Variants in UNC13C observed in about 807,000 individuals in gnomAD.
UNC13C encodes the protein protein unc-13 homolog C.
In UNC13C, 174 loss-of-function variants were observed where a neutral mutation model predicts 245.4. The ratio of observed to expected loss-of-function variants is 0.71; its 90% CI spans 0.63 to 0.80. UNC13C has a LOEUF of 0.80. UNC13C is among the 30% of genes least tolerant of loss of function. The pLI is 0.00. For missense variants in UNC13C, 2,829 were observed against 2,602.9 expected (o/e 1.09, Z -1.89); for synonymous variants, 992 against 895.1 (o/e 1.11, Z -1.93).
chr15:54,234,990 T>C (rs777953973), intron 4 of UNC13C, 40 bp from the exon 5 acceptor site: 3 of 1,569,524 alleles, frequency 1.9e-6, no homozygotes, highest in South Asian at 2.2e-5. Context: ...CAAGAAGTCA[T>C]TTTACCCATT....
intron 1 of UNC13C, among the ~76,000 whole-genome samples, chr15:54,011,055 C>T (rs898573270): frequency 6.6e-6 from 1 of 151,966 alleles, no homozygotes; most frequent in African/African-American, 2.4e-5. Flanking sequence ...GGAGTTTAAA[C>T]ATAATTTTTA....
intron 14 of UNC13C, among the ~76,000 whole-genome samples, chr15:54,330,380 G>A (rs1329563975): frequency 1.3e-5 from 2 of 151,996 alleles, no homozygotes; most frequent in African/African-American, 2.4e-5. Flanking sequence ...GAGAGGGTGA[G>A]CATTTCATAT....
intron 4 of UNC13C, among the ~76,000 whole-genome samples, chr15:54,156,423 C>T (rs962290136): frequency 3.3e-5 from 5 of 152,176 alleles, no homozygotes; most frequent in Non-Finnish European, 5.9e-5. Context: ...TACAAGATGA[C>T]ATCATCTGCC....
chr15:54,156,241 C>A (rs930807073), intron 4 of UNC13C, among the ~76,000 whole-genome samples: 1 of 152,102 alleles, frequency 6.6e-6, no homozygotes, highest in African/African-American at 2.4e-5. Context: ...GCATAGCAGG[C>A]ATCTTTTTTG....
At chr15:54,167,205 A>G (rs1008998154) in intron 4 of UNC13C, among the ~76,000 whole-genome samples, 1 of 152,106 alleles carries the variant, frequency 6.6e-6, no homozygotes, top group African/African-American at 2.4e-5. Context: ...AAGCAACCCA[A>G]TAGGAAAAGA....
chr15:54,353,256 A>T (rs2039023675), intron 17 of UNC13C, among the ~76,000 whole-genome samples: 1 of 152,192 alleles, frequency 6.6e-6, no homozygotes, highest in African/African-American at 2.4e-5. Context: ...GATGCCAGGC[A>T]GGCAGGGAAA....
At chr15:54,040,506 G>C (rs532384011) in intron 2 of UNC13C, among the ~76,000 whole-genome samples, 44 of 152,240 alleles carry the variant, frequency 2.9e-4, no homozygotes, top group African/African-American at 1.1e-3. Context: ...ATTAATGTTT[G>C]AGAAACACTC....
intron 30 of UNC13C, among the ~76,000 whole-genome samples, chr15:54,599,496 T>C (rs1163923994): frequency 6.6e-6 from 1 of 152,018 alleles, no homozygotes; most frequent in Non-Finnish European, 1.5e-5. Flanking sequence ...ATAAAAATGG[T>C]AAGATCTATT....
chr15:54,525,462 C>G, intron 24 of UNC13C, 87 bp from the exon 25 acceptor site: 1 of 831,114 alleles, frequency 1.2e-6, no homozygotes. Flanking sequence ...TTTGAAGTTA[C>G]CATATAATAA....
chr15:54,174,689 A>AT (rs1164814870), intron 4 of UNC13C, among the ~76,000 whole-genome samples: 1 of 152,216 alleles, frequency 6.6e-6, no homozygotes, highest in Non-Finnish European at 1.5e-5. Context: ...AGCCTGGACC[A>AT]TATAATAACT....
At chr15:53,991,709 G>A (rs1216514169) in intron 1 of UNC13C, among the ~76,000 whole-genome samples, 1 of 151,994 alleles carries the variant, frequency 6.6e-6, no homozygotes, top group Non-Finnish European at 1.5e-5. Flanking sequence ...GGCCTCCATG[G>A]CTGCCACTCC....
At chr15:53,920,522 C>A in the UNC13C span, among the ~76,000 whole-genome samples, 1 of 152,200 alleles carries the variant, frequency 6.6e-6, no homozygotes, top group East Asian at 1.9e-4. Context: ...CACTGCACTC[C>A]AGCCTGGGTG....
At position 54,440,356 on chromosome 15, in the gene UNC13C, A is replaced by G. The variant is rs1277883575; in HGVS notation, c.4933+25289A>G. 2.6e-5 allele frequency among the ~76,000 whole-genome samples: 4 copies of G among 152,026 alleles called. No homozygotes were observed. In the East Asian group the frequency reaches 7.8e-4, roughly 30 times the overall value. ...TGTGAAAACAAACAAATACTCTCTA[A>G]TGCTATGAGAATCACCTTTTTAGCT... On this transcript the variant is annotated intron_variant, in intron 19 of 32. Transcript: ENST00000260323.
At chr15:54,363,290 T>G (rs1849213) in intron 17 of UNC13C, among the ~76,000 whole-genome samples, 85,317 of 151,972 alleles carry the variant, frequency 0.56, 24,597 homozygotes, top group East Asian at 0.85. Flanking sequence ...TGTATTTTTA[T>G]TAGACACGGG....
At chr15:54,283,829 C>T (rs1394205774) in intron 10 of UNC13C, among the ~76,000 whole-genome samples, 6 of 152,022 alleles carry the variant, frequency 3.9e-5, no homozygotes, top group South Asian at 2.1e-4. Flanking sequence ...GCAACTTTCC[C>T]GAAGTCGTAT....
chr15:54,467,914 G>A (rs773711491), intron 19 of UNC13C, among the ~76,000 whole-genome samples: 1 of 151,588 alleles, frequency 6.6e-6, no homozygotes, highest in Non-Finnish European at 1.5e-5. Flanking sequence ...CAATGGACAT[G>A]GGAGTGTAGA....
chr15:54,226,396 C>T (rs1010978365), intron 4 of UNC13C, among the ~76,000 whole-genome samples: 1 of 152,154 alleles, frequency 6.6e-6, no homozygotes, highest in African/African-American at 2.4e-5. Context: ...CTTTTCTGTA[C>T]CTCTGGTAGA....
chr15:54,601,310 A>C (rs545925076), intron 30 of UNC13C, among the ~76,000 whole-genome samples: 2 of 152,176 alleles, frequency 1.3e-5, no homozygotes, highest in Non-Finnish European at 2.9e-5. Flanking sequence ...ATGAGAAGAT[A>C]ATCTCCTGGT....
chr15:53,957,585 A>G, the UNC13C span, among the ~76,000 whole-genome samples: 12 of 151,408 alleles, frequency 7.9e-5, no homozygotes, highest in Non-Finnish European at 1.8e-4. Context: ...CACTATATAT[A>G]TAGTAGTACA....
Sources: allele counts gnomAD v4.1 joint callset (sites outside exome capture counted in the v4.1 genomes callset), GRCh38; gene constraint gnomAD v4.1.1; transcripts MANE v1.5; gene names NCBI Gene and HGNC (gene_info 2026-07-23, HGNC 2026-07-21).